Variants in AP2B1 observed in about 807,000 individuals in gnomAD.
AP2B1 encodes the protein adaptor related protein complex 2 subunit beta 1.
A neutral mutation model predicts 102.0 loss-of-function variants in AP2B1; 23 were observed. That is an observed-to-expected ratio of 0.23 (90% CI 0.16 to 0.32). The LOEUF is 0.32. AP2B1 is among the 10% of genes least tolerant of loss of function. The probability of loss-of-function intolerance (pLI) is 1.00; values close to 1 mark genes in which losing one functional copy is unlikely to be tolerated. For synonymous variants in AP2B1, 381 were observed against 421.2 expected (o/e 0.90, Z 1.17); for missense variants, 541 against 1,157.4 (o/e 0.47, Z 7.73).
intron 17 of AP2B1, among the ~76,000 whole-genome samples, chr17:35,677,024 C>G (rs1053881976): frequency 6.6e-6 from 1 of 152,166 alleles, no homozygotes; most frequent in Admixed American, 6.5e-5. Context: ...AAGGCTTGCT[C>G]TGTCACCCAG....
chr17:35,686,692 T>C (rs1201842008), intron 18 of AP2B1, among the ~76,000 whole-genome samples: 1 of 152,168 alleles, frequency 6.6e-6, no homozygotes, highest in African/African-American at 2.4e-5. Context: ...TGGCCGGGCA[T>C]GGTGGCTCAC....
intron 21 of AP2B1, among the ~76,000 whole-genome samples, chr17:35,721,504 G>A (rs1375490635): frequency 2.0e-5 from 3 of 152,138 alleles, no homozygotes; most frequent in Non-Finnish European, 2.9e-5. Context: ...TTGACACTTT[G>A]TCAGAGGCTG....
At chr17:35,630,760 C>T (rs139645012) in intron 9 of AP2B1, among the ~76,000 whole-genome samples, 30 of 152,112 alleles carry the variant, frequency 2.0e-4, no homozygotes, top group East Asian at 9.6e-4. Context: ...TTTGACTAAG[C>T]GTGCTTTGAT....
intron 1 of AP2B1, among the ~76,000 whole-genome samples, chr17:35,591,469 G>A (rs1488876813): frequency 2.0e-5 from 3 of 152,064 alleles, no homozygotes; most frequent in Non-Finnish European, 2.9e-5. Context: ...CACCGTGCCT[G>A]GCCAAAAAAA....
chr17:35,676,505 G>C (rs1048424031), intron 17 of AP2B1, among the ~76,000 whole-genome samples: 1 of 152,100 alleles, frequency 6.6e-6, no homozygotes, highest in Admixed American at 6.5e-5. Context: ...GTTTGTTGAC[G>C]TGCTCACAAG....
intron 12 of AP2B1, among the ~76,000 whole-genome samples, chr17:35,649,755 G>C (rs1293173776): frequency 2.0e-5 from 3 of 152,030 alleles, no homozygotes; most frequent in African/African-American, 7.2e-5. Flanking sequence ...GGACCATGTT[G>C]AGTTAACACA....
At chr17:35,706,461 G>A (rs1813405115) in intron 18 of AP2B1, among the ~76,000 whole-genome samples, 1 of 152,160 alleles carries the variant, frequency 6.6e-6, no homozygotes, top group Non-Finnish European at 1.5e-5. Context: ...TTCATGTAGG[G>A]TAGGGCCTGG....
intron 18 of AP2B1, among the ~76,000 whole-genome samples, chr17:35,684,802 C>G (rs2075896898): frequency 6.6e-6 from 1 of 152,082 alleles, no homozygotes; most frequent in Non-Finnish European, 1.5e-5. Context: ...GGACAGTCAG[C>G]ATGCACGCAA....
intron 18 of AP2B1, among the ~76,000 whole-genome samples, chr17:35,695,955 C>T (rs1202260574): frequency 2.0e-5 from 3 of 152,070 alleles, no homozygotes; most frequent in African/African-American, 2.4e-5. Context: ...ACTCAGGTAA[C>T]CATGAGTATA....
At chr17:35,598,672 C>T (rs1371414730) in intron 3 of AP2B1, among the ~76,000 whole-genome samples, 2 of 152,186 alleles carry the variant, frequency 1.3e-5, no homozygotes, top group African/African-American at 4.8e-5. Context: ...CACTGAGAAG[C>T]ATAAGTTCAC....
intron 5 of AP2B1, among the ~76,000 whole-genome samples, chr17:35,623,101 T>TTA (rs938905978): frequency 6.6e-6 from 1 of 151,924 alleles, no homozygotes; most frequent in African/African-American, 2.4e-5. Context: ...GTATGCATTT[T>TTA]TTTTTTTTTT....
chr17:35,614,224 G>T (rs2073948081), intron 5 of AP2B1, among the ~76,000 whole-genome samples: 1 of 151,900 alleles, frequency 6.6e-6, no homozygotes, highest in African/African-American at 2.4e-5. Context: ...GAGAGACCTG[G>T]TCTTGCTCTG....
chr17:35,710,241 G>C lies in AP2B1; in HGVS notation c.2547G>C (p.Gln849His), dbSNP rs2076419994. The C allele has an allele frequency of 6.2e-7, 1 of 1,612,598 alleles. No individual in the cohort carries two copies. Among genetic ancestry groups the C allele is most frequent in the African/African-American group, 1.3e-5 (1 of 74,888 alleles). The change falls in exon 20 of 22, where the codon CAG (glutamine) becomes CAC (histidine). Residue 849 changes from glutamine (Q) to histidine (H), a missense_variant. Transcript: ENST00000610402. ...CTCTGCTTTCCCATACAGAGCGCCA[G>C]GTCTTCCTTGCAACATGGAAGGATA... is the stretch of plus-strand genomic sequence containing the variant. ...LFVEDGKMER[Q>H]VFLATWKDIP...
rs1162631113 is a variant in AP2B1 at position 35,636,591 on chromosome 17, CATT to C, written c.1271+137_1271+139del. On this transcript the variant is annotated intron_variant, in intron 10 of 21. Coordinates refer to ENST00000610402, the MANE Select transcript of AP2B1 (RefSeq NM_001030006.2). ...AGGATACTTTATCAAAAATCGGAAA[CATT>C]AAAATGGTTAGCACAGGGATTAAAA... 9.2e-6 allele frequency: 5 copies of C among 544,590 alleles called. No homozygotes were observed. In the African/African-American group the frequency reaches 1.9e-4, roughly 20 times the overall value. The allele number at this position is 544,590 out of a possible 1,614,324, so 33.7% of individuals were successfully genotyped here.
At chr17:35,672,008 C>G (rs547609286) in intron 16 of AP2B1, 108 bp downstream of exon 16, 617 of 1,321,782 alleles carry the variant, frequency 4.7e-4, no homozygotes, top group Admixed American at 8.1e-4. Flanking sequence ...AGGTTTGGGC[C>G]CTTGTTCTGG....
intron 19 of AP2B1, among the ~76,000 whole-genome samples, chr17:35,709,969 A>G (rs141176328): frequency 0.018 from 2,673 of 152,372 alleles, 52 homozygotes; most frequent in African/African-American, 0.049. Flanking sequence ...CAGAAAGGTC[A>G]TAAGTCACCA....
chr17:35,627,319 A>G, intron 7 of AP2B1, 66 bp from the exon 8 acceptor site: 1 of 1,508,016 alleles, frequency 6.6e-7, no homozygotes, highest in South Asian at 1.2e-5. Context: ...AGGTATTAAT[A>G]CAGTCTCAGA....
chr17:35,673,330 G>A (rs1257466964), intron 16 of AP2B1, among the ~76,000 whole-genome samples: 2 of 151,894 alleles, frequency 1.3e-5, no homozygotes, highest in African/African-American at 2.4e-5. Flanking sequence ...GACTACAGGC[G>A]CCCGCCACCA....
intron 21 of AP2B1, among the ~76,000 whole-genome samples, chr17:35,718,188 G>A (rs1246255670): frequency 6.6e-6 from 1 of 152,086 alleles, no homozygotes; most frequent in Admixed American, 6.5e-5. Flanking sequence ...TCTGTGACCC[G>A]TTCCTTAATT....
Sources: gnomAD v4.1 joint callset for allele counts (sites outside exome capture counted in the v4.1 genomes callset) on GRCh38, gnomAD v4.1.1 for gene constraint, MANE v1.5 for transcripts, NCBI Gene and HGNC (gene_info 2026-07-23, HGNC 2026-07-21) for gene names.